The following USP53 variants were observed in gnomAD, a reference collection of about 807,000 sequenced individuals.
The protein encoded by USP53 is ubiquitin specific peptidase 53.
USP53 carries 71 observed loss-of-function variants against 94.9 expected under a neutral mutation model. That is an observed-to-expected ratio of 0.75 (90% CI 0.62 to 0.91). USP53 has a LOEUF of 0.91. USP53 is among the 40% of genes least tolerant of loss of function. USP53 has a pLI of 0.00. For synonymous variants in USP53, 375 were observed against 422.7 expected (o/e 0.89, Z 1.39); for missense variants, 1,173 against 1,281.0 (o/e 0.92, Z 1.29).
intron 17 of USP53, among the ~76,000 whole-genome samples, chr4:119,283,618 G>A (rs1753757668): frequency 6.6e-6 from 1 of 151,818 alleles, no homozygotes; most frequent in African/African-American, 2.4e-5. Flanking sequence ...ATGTGGGCAG[G>A]ATAATTAGTT....
intron 5 of USP53, among the ~76,000 whole-genome samples, chr4:119,242,046 G>C (rs1298447519): frequency 6.6e-6 from 1 of 152,088 alleles, no homozygotes; most frequent in Non-Finnish European, 1.5e-5. Context: ...TTTTCACTTT[G>C]AGAAGTTTTA....
In USP53 at chr4:119,239,855, G is replaced by A. The variant is rs755751762; in HGVS notation, c.96G>A (p.Leu32=). Residue 32 remains leucine, a synonymous_variant, in exon 5 of 19, where the codon TTG becomes TTA. Transcript: ENST00000692078. ...SMLSLAPTKG[L]LNEPGQNSCF... ...TATCACTAGCCCCTACCAAAGGCTT[G>A]TTAAATGAACCAGGACAAAACAGCT... 2 of 1,612,192 alleles carry A rather than the reference G, an allele frequency of 1.2e-6. No individual in the cohort carries two copies. The highest frequency in any genetic ancestry group is 2.2e-5 in the South Asian group (2 of 90,760).
chr4:119,257,278 C>T (rs1401663229), intron 9 of USP53, among the ~76,000 whole-genome samples: 3 of 152,082 alleles, frequency 2.0e-5, no homozygotes, highest in African/African-American at 7.2e-5. Context: ...CCCGTCTCTA[C>T]TAAAAATAAA....
intron 7 of USP53, among the ~76,000 whole-genome samples, chr4:119,255,082 ATCCT>A (rs1749573836): frequency 6.6e-6 from 1 of 151,958 alleles, no homozygotes; most frequent in African/African-American, 2.4e-5. Context: ...TTGCTGCCTG[ATCCT>A]TCCTCTGGAA....
intron 14 of USP53, 28 bp from the exon 15 acceptor site, chr4:119,269,663 A>T: frequency 7.4e-7 from 1 of 1,344,742 alleles, no homozygotes; most frequent in Non-Finnish European, 9.6e-7. Context: ...AATGATCTGT[A>T]TCATAGTAAG....
intron 3 of USP53, among the ~76,000 whole-genome samples, chr4:119,232,212 C>G (rs1746166699): frequency 6.6e-6 from 1 of 152,140 alleles, no homozygotes; most frequent in South Asian, 2.1e-4. Flanking sequence ...AATATATGTA[C>G]ATTACCACAG....
At chr4:119,225,603 G>A (rs1037737211) in intron 3 of USP53, among the ~76,000 whole-genome samples, 2 of 151,782 alleles carry the variant, frequency 1.3e-5, no homozygotes, top group South Asian at 2.1e-4. Flanking sequence ...AAAATTAGCC[G>A]GGCGTGGTGG....
intron 5 of USP53, among the ~76,000 whole-genome samples, chr4:119,242,308 T>G (rs534118130): frequency 6.6e-6 from 1 of 152,330 alleles, no homozygotes; most frequent in Non-Finnish European, 1.5e-5. Flanking sequence ...GGACAGAGTT[T>G]ATTTATTTGG....
At chr4:119,288,734 C>T (rs986025222) in intron 17 of USP53, among the ~76,000 whole-genome samples, 19 of 151,818 alleles carry the variant, frequency 1.3e-4, no homozygotes, top group African/African-American at 3.9e-4. Context: ...GTTTGGAGTT[C>T]GAGACCAGCC....
At chr4:119,246,653 C>T (rs1748283598) in intron 6 of USP53, among the ~76,000 whole-genome samples, 1 of 152,052 alleles carries the variant, frequency 6.6e-6, no homozygotes, top group South Asian at 2.1e-4. Context: ...CTGTAAGGAT[C>T]GTGGCTTTTT....
At chr4:119,237,191 T>C (rs1470916099) in intron 4 of USP53, among the ~76,000 whole-genome samples, 1 of 152,214 alleles carries the variant, frequency 6.6e-6, no homozygotes, top group African/African-American at 2.4e-5. Context: ...AAATATTCAG[T>C]AAACCATGCT....
At chr4:119,258,005 G>A (rs1351027693) in intron 9 of USP53, among the ~76,000 whole-genome samples, 1 of 152,160 alleles carries the variant, frequency 6.6e-6, no homozygotes, top group African/African-American at 2.4e-5. Flanking sequence ...TGCACGCTTT[G>A]AATTCTAATT....
At position 119,239,625 on chromosome 4, in the gene USP53, G is replaced by T; in HGVS notation, c.-135G>T. Reference sequence around the variant, plus strand: ...GAGTTTATAACATCAGGAAAGATATGGACTTGGAAACTTACATTATTAAAA... The same window carrying T: ...GAGTTTATAACATCAGGAAAGATATTGACTTGGAAACTTACATTATTAAAA... On this transcript the variant is annotated 5_prime_UTR_variant, in exon 5 of 19. It removes an upstream start codon present in the reference 5' UTR. Transcript: ENST00000692078. 9.7e-7 allele frequency: 1 copy of T among 1,034,186 alleles called. No individual in the cohort carries two copies. Among genetic ancestry groups the T allele is most frequent in the Non-Finnish European group, 1.3e-6 (1 of 741,200 alleles). The allele number at this position is 1,034,186 out of a possible 1,614,324, so 64.1% of individuals were successfully genotyped here.
At chr4:119,265,059 G>A (rs941727995) in intron 12 of USP53, among the ~76,000 whole-genome samples, 7 of 152,208 alleles carry the variant, frequency 4.6e-5, no homozygotes, top group Non-Finnish European at 7.3e-5. Flanking sequence ...TACATGCTAT[G>A]ATTCCATTTA....
rs773504372 is a variant in USP53, at chr4:119,269,823, T to C, written c.1421T>C (p.Leu474Ser). The change falls in exon 15 of 19, where the codon TTA becomes TCA. Residue 474 changes from leucine (L) to serine (S), a missense_variant. Physicochemically the swap from Leu to Ser is moderately radical, Grantham distance 145. Coordinates refer to ENST00000692078, the MANE Select transcript of USP53 (RefSeq NM_001371395.1). ...TTAGAGAAGGGACAAAGAAAAGATT[T>C]AGGACGACATAGAGGTAAGTTAAGA... ...KDLEKGQRKD[L>S]GRHRDLVDED... 7.4e-6 allele frequency: 11 copies of C among 1,485,640 alleles called. No individual in the cohort carries two copies. The East Asian group carries it at 2.5e-4, about 34-fold the overall frequency. 92.0% of individuals were successfully genotyped at this position (1,485,640 alleles called of 1,614,324 possible). A position where few individuals can be genotyped will look rare whatever the true frequency, so the allele number is the denominator to read the frequency against.
intron 2 of USP53, among the ~76,000 whole-genome samples, chr4:119,215,597 T>A (rs1433801682): frequency 6.6e-6 from 1 of 152,178 alleles, no homozygotes; most frequent in Non-Finnish European, 1.5e-5. Context: ...ATAATTGGTT[T>A]TCTTTGTGAT....
chr4:119,223,955 A>G (rs1157533555), intron 3 of USP53, among the ~76,000 whole-genome samples: 1 of 152,060 alleles, frequency 6.6e-6, no homozygotes, highest in East Asian at 1.9e-4. Flanking sequence ...ATATCTACAT[A>G]TTATTTTATT....
rs1341527721 is a variant in USP53 at position 119,282,592 on chromosome 4, C to A, written c.2252-8573C>A. ...TTCTGATTTCATAAACTTTCTACTTCAAAGCCTACTACGGTTCTCTAAGCC... is the reference window on the plus strand; with the variant it reads ...TTCTGATTTCATAAACTTTCTACTTAAAAGCCTACTACGGTTCTCTAAGCC... On this transcript the variant is annotated intron_variant, in intron 17 of 18. Coordinates refer to ENST00000692078, the MANE Select transcript of USP53 (RefSeq NM_001371395.1). 8.6e-5 allele frequency among the ~76,000 whole-genome samples: 13 copies of A among 152,022 alleles called. 1 individual carries two copies. Among genetic ancestry groups the A allele is most frequent in the Admixed American group, 8.5e-4 (13 of 15,262 alleles).
At chr4:119,269,448 C>T (rs1272776694) in intron 14 of USP53, among the ~76,000 whole-genome samples, 1 of 152,066 alleles carries the variant, frequency 6.6e-6, no homozygotes, top group African/African-American at 2.4e-5. Flanking sequence ...AATGGCAGAT[C>T]TCTTTCTTTT....
Sources: allele counts gnomAD v4.1 joint callset (sites outside exome capture counted in the v4.1 genomes callset), GRCh38; gene constraint gnomAD v4.1.1; transcripts MANE v1.5; gene names NCBI Gene and HGNC (gene_info 2026-07-23, HGNC 2026-07-21).